Variants in DPP10 observed in about 807,000 individuals in gnomAD.
DPP10 encodes inactive dipeptidyl peptidase 10.
A neutral mutation model predicts 120.9 loss-of-function variants in DPP10; 33 were observed. The observed-to-expected ratio is 0.27, with a 90% CI of 0.21 to 0.37. The LOEUF (loss-of-function observed/expected upper bound fraction) is 0.37, where lower values mean the gene tolerates loss of function less well. Among genes scored for constraint, DPP10 ranks in the 10% least tolerant of loss-of-function variants. The pLI, the probability that DPP10 is intolerant of heterozygous loss-of-function variation, is 1.00. For synonymous variants in DPP10, 337 were observed against 326.1 expected (o/e 1.03, Z -0.36); for missense variants, 816 against 942.8 (o/e 0.87, Z 1.76).
intron 4 of DPP10, among the ~76,000 whole-genome samples, chr2:115,515,128 A>G (rs1473573664): frequency 6.6e-6 from 1 of 151,954 alleles, no homozygotes; most frequent in Non-Finnish European, 1.5e-5. Flanking sequence ...GTGTTCTTGT[A>G]TGATGTATTA....
At chr2:115,655,958 A>G (rs1402877680) in intron 5 of DPP10, among the ~76,000 whole-genome samples, 2 of 151,642 alleles carry the variant, frequency 1.3e-5, no homozygotes, top group African/African-American at 2.4e-5. Flanking sequence ...GATGGTTGCC[A>G]GGGACTGCGT....
At chr2:114,556,426 T>G (rs529963695) in intron 1 of DPP10, among the ~76,000 whole-genome samples, 2 of 151,636 alleles carry the variant, frequency 1.3e-5, no homozygotes, top group African/African-American at 4.8e-5. Flanking sequence ...CCTGAAGAGT[T>G]GGGTGAATGT....
chr2:114,855,331 G>A (rs944918971), intron 1 of DPP10, among the ~76,000 whole-genome samples: 1 of 151,812 alleles, frequency 6.6e-6, no homozygotes, highest in Non-Finnish European at 1.5e-5. Flanking sequence ...AAATTCCCAT[G>A]GACTTTATTC....
intron 1 of DPP10, among the ~76,000 whole-genome samples, chr2:114,812,509 G>A (rs1444406539): frequency 3.3e-5 from 5 of 151,648 alleles, no homozygotes; most frequent in African/African-American, 1.2e-4. Context: ...GATCACTTGA[G>A]CCTAGGAGTT....
At position 115,253,818 on chromosome 2, in the gene DPP10, C is replaced by T. The variant is rs1251360448; in HGVS notation, c.61-55421C>T. 2.6e-5 allele frequency among the ~76,000 whole-genome samples: 4 copies of T among 152,182 alleles called. No individual in the cohort carries two copies. The East Asian group carries it at 5.8e-4, about 22-fold the overall frequency. On this transcript the variant is annotated intron_variant, in intron 1 of 25. Coordinates refer to ENST00000410059, the MANE Select transcript of DPP10 (RefSeq NM_020868.6). ...GGATGCAAACTGCTGGTGGATCTAC[C>T]ATTCTGAGGTCTCTAGGGCAGTGTC...
At chr2:115,590,773 A>C (rs1408833362) in intron 5 of DPP10, among the ~76,000 whole-genome samples, 3 of 152,132 alleles carry the variant, frequency 2.0e-5, no homozygotes, top group Non-Finnish European at 4.4e-5. Flanking sequence ...AATTAGTTTA[A>C]AGTCCCACCA....
chr2:114,450,053 A>G (rs1299667780), intron 1 of DPP10, among the ~76,000 whole-genome samples: 1 of 152,118 alleles, frequency 6.6e-6, no homozygotes, highest in African/African-American at 2.4e-5. Flanking sequence ...TGCTACCAAA[A>G]TGGAAAATAC....
chr2:114,525,732 A>G (rs532872333), intron 1 of DPP10, among the ~76,000 whole-genome samples: 1 of 152,234 alleles, frequency 6.6e-6, no homozygotes, highest in East Asian at 1.9e-4. Flanking sequence ...GAAGATGACT[A>G]AACCATTTCT....
chr2:115,687,602 A>AT (rs886836840), intron 5 of DPP10, among the ~76,000 whole-genome samples: 3 of 130,060 alleles, frequency 2.3e-5, no homozygotes, highest in African/African-American at 7.5e-5. Context: ...TAACTTCTTT[A>AT]TTGCAGTCTT....
chr2:115,672,682 C>CTTTCT (rs2089985515), intron 5 of DPP10, among the ~76,000 whole-genome samples: 1 of 137,598 alleles, frequency 7.3e-6, no homozygotes, highest in East Asian at 2.1e-4. Context: ...CTTTCTTTCT[C>CTTTCT]TTTCTTTCTT....
At chr2:115,514,027 C>T (rs974201714) in intron 4 of DPP10, among the ~76,000 whole-genome samples, 6 of 151,832 alleles carry the variant, frequency 4.0e-5, no homozygotes, top group African/African-American at 1.2e-4. Context: ...AAGTTTAGCT[C>T]GATATAGAAT....
chr2:115,583,397 G>A (rs2082109300), intron 5 of DPP10, among the ~76,000 whole-genome samples: 1 of 152,182 alleles, frequency 6.6e-6, no homozygotes, highest in Admixed American at 6.5e-5. Flanking sequence ...TTGCTTGATA[G>A]TGTTCAGTTG....
At chr2:114,865,009 C>G (rs555900245) in intron 1 of DPP10, among the ~76,000 whole-genome samples, 1 of 152,288 alleles carries the variant, frequency 6.6e-6, no homozygotes. Flanking sequence ...GGAAAACATA[C>G]AAAGAACAGT....
At chr2:115,013,165 C>T (rs1240968930) in intron 1 of DPP10, among the ~76,000 whole-genome samples, 1 of 152,142 alleles carries the variant, frequency 6.6e-6, no homozygotes, top group African/African-American at 2.4e-5. Flanking sequence ...GTGCTTCCTT[C>T]AGGAGCTCTT....
intron 1 of DPP10, among the ~76,000 whole-genome samples, chr2:114,785,904 A>G (rs12478225): frequency 0.092 from 13,964 of 152,278 alleles, 958 homozygotes; most frequent in African/African-American, 0.18. Context: ...TCTGGCAGCA[A>G]TGGAAATGTG....
chr2:114,865,261 G>C (rs1301928518), intron 1 of DPP10, among the ~76,000 whole-genome samples: 1 of 152,112 alleles, frequency 6.6e-6, no homozygotes, highest in Admixed American at 6.6e-5. Flanking sequence ...TATTTTAATT[G>C]GTCTCAATAT....
At chr2:114,561,291 GT>G (rs1688744247) in intron 1 of DPP10, among the ~76,000 whole-genome samples, 1 of 152,070 alleles carries the variant, frequency 6.6e-6, no homozygotes, top group Non-Finnish European at 1.5e-5. Context: ...GTTTTTCTTT[GT>G]TTTTTGTTTA....
chr2:114,580,908 C>T (rs761764173), intron 1 of DPP10, among the ~76,000 whole-genome samples: 4 of 151,958 alleles, frequency 2.6e-5, no homozygotes, highest in Admixed American at 6.6e-5. Flanking sequence ...CATGATCCCC[C>T]GAGGCCATGC....
intron 12 of DPP10, among the ~76,000 whole-genome samples, chr2:115,767,484 T>C (rs994623281): frequency 2.8e-5 from 4 of 145,336 alleles, no homozygotes; most frequent in African/African-American, 9.8e-5. Flanking sequence ...TGTGTGTGTG[T>C]GTGTGTATAT....
Sources: gnomAD v4.1 joint callset for allele counts (sites outside exome capture counted in the v4.1 genomes callset) on GRCh38, gnomAD v4.1.1 for gene constraint, MANE v1.5 for transcripts, NCBI Gene and HGNC (gene_info 2026-07-23, HGNC 2026-07-21) for gene names.